RFTN1: variants seen among roughly 807,000 people sequenced by gnomAD.
RFTN1 encodes raftlin, lipid raft linker 1.
Under a neutral mutation model 46.5 loss-of-function variants are expected in RFTN1, and 26 were observed. That is an observed-to-expected ratio of 0.56 (90% confidence interval 0.41 to 0.78). The LOEUF (loss-of-function observed/expected upper bound fraction) is 0.78, where lower values mean the gene tolerates loss of function less well. Ranked by LOEUF, RFTN1 falls within the 30% of genes least tolerant of loss-of-function variation. The pLI is 0.00. For synonymous variants in RFTN1, 261 were observed against 284.2 expected (o/e 0.92, Z 0.82); for missense variants, 693 against 718.7 (o/e 0.96, Z 0.41).
rs1053255583 is a variant in RFTN1 at position 16,344,879 on chromosome 3, C to CA, written c.1146+13052dup. 9.8e-5 allele frequency among the ~76,000 whole-genome samples: 15 copies of CA among 152,326 alleles called. 2 individuals carry two copies. The highest frequency in any genetic ancestry group is 3.9e-4 in the East Asian group (2 of 5,192). ...AACACATAACTACAAGAACACCCCC[C>CA]AACCTTTTATGCTCACTGATTTAAT... On this transcript the variant is annotated intron_variant, in intron 7 of 9. Transcript: ENST00000334133. The surrounding 1 kb of genome is among the most constrained non-coding windows in gnomAD (Gnocchi z 4.4).
At chr3:16,476,216 C>T (rs1354727048) in intron 2 of RFTN1, among the ~76,000 whole-genome samples, 1 of 152,198 alleles carries the variant, frequency 6.6e-6, no homozygotes, top group Non-Finnish European at 1.5e-5. Flanking sequence ...CAGAGGGGAA[C>T]CTTAAAGTCA....
chr3:16,420,785 G>A (rs750814965), intron 3 of RFTN1, among the ~76,000 whole-genome samples: 8 of 152,236 alleles, frequency 5.3e-5, no homozygotes, highest in African/African-American at 1.7e-4. Context: ...GCTAATGGCT[G>A]TGTTACAGGA....
At position 16,351,068 on chromosome 3, in the gene RFTN1, G is replaced by A. The variant is rs899730194; in HGVS notation, c.1146+6864C>T. Among the ~76,000 whole-genome samples, 1 of 152,194 alleles carries A rather than the reference G, an allele frequency of 6.6e-6. No homozygotes were observed. The highest frequency in any genetic ancestry group is 2.4e-5 in the African/African-American group (1 of 41,446). On this transcript the variant is annotated intron_variant, in intron 7 of 9. Coordinates refer to ENST00000334133, the MANE Select transcript of RFTN1 (RefSeq NM_015150.2). This position sits in a 1 kb window ranked among gnomAD's most constrained non-coding sequence, Gnocchi z 5.4. ...GTGAGACCTAATGTGTTATTACACAGGATTCACAGGATTATGAGACAGGGT... is the reference window on the plus strand; with the variant it reads ...GTGAGACCTAATGTGTTATTACACAAGATTCACAGGATTATGAGACAGGGT...
intron 6 of RFTN1, among the ~76,000 whole-genome samples, chr3:16,365,906 G>C (rs1462818451): frequency 6.6e-6 from 1 of 152,222 alleles, no homozygotes; most frequent in Non-Finnish European, 1.5e-5. Context: ...GGCAAAAAGA[G>C]AAGTGAGGAT....
chr3:16,332,417 CTTTT>C (rs34563846), intron 7 of RFTN1, among the ~76,000 whole-genome samples: 1 of 148,552 alleles, frequency 6.7e-6, no homozygotes, highest in African/African-American at 2.5e-5. Context: ...TTGATTGCTT[CTTTT>C]TTTTTTTTAC....
At chr3:16,332,159 T>C (rs1375243507) in intron 7 of RFTN1, among the ~76,000 whole-genome samples, 1 of 152,162 alleles carries the variant, frequency 6.6e-6, no homozygotes, top group Non-Finnish European at 1.5e-5. Context: ...TGTCCTTCAG[T>C]TCTGAAAAAT....
intron 3 of RFTN1, among the ~76,000 whole-genome samples, chr3:16,431,861 A>T (rs183333737): frequency 2.4e-4 from 37 of 152,314 alleles, no homozygotes; most frequent in Non-Finnish European, 3.1e-4. Context: ...GGTTCTCCAC[A>T]AGAATTGTGG....
chr3:16,414,823 C>T (rs1449349937), intron 3 of RFTN1, among the ~76,000 whole-genome samples: 1 of 152,086 alleles, frequency 6.6e-6, no homozygotes, highest in Non-Finnish European at 1.5e-5. Flanking sequence ...CATGCAAAGG[C>T]CCTAAGCTGA....
At chr3:16,444,102 T>C (rs1166559246) in intron 2 of RFTN1, among the ~76,000 whole-genome samples, 4 of 152,206 alleles carry the variant, frequency 2.6e-5, no homozygotes, top group Admixed American at 1.3e-4. Context: ...TCACCAATTA[T>C]TCAGAATCGG....
chr3:16,462,962 A>G (rs560260823), intron 2 of RFTN1, among the ~76,000 whole-genome samples: 1 of 152,350 alleles, frequency 6.6e-6, no homozygotes, highest in East Asian at 1.9e-4. Context: ...GACAATGAGC[A>G]AAGAGGTTTG....
chr3:16,376,330 T>C lies in RFTN1; in HGVS notation c.826+1388A>G, dbSNP rs1252549960. Among the ~76,000 whole-genome samples, 4 of 152,180 alleles carry C rather than the reference T, an allele frequency of 2.6e-5. No individual in the cohort carries two copies. The highest frequency in any genetic ancestry group is 1.3e-4 in the Admixed American group (2 of 15,280). On this transcript the variant is annotated intron_variant, in intron 5 of 9. Transcript: ENST00000334133. The surrounding 1 kb of genome is among the most constrained non-coding windows in gnomAD (Gnocchi z 4.7). ...ACGGAAGGCAGGCCGGAATGTATAC[T>C]CTAGATTCTTGAGCACCATGCTCCT...
rs1326022786 is a variant in RFTN1 at position 16,442,866 on chromosome 3, C to A, written c.146-8829G>T. 6.6e-6 allele frequency among the ~76,000 whole-genome samples: 1 copy of A among 152,198 alleles called. No homozygotes were observed. Among genetic ancestry groups the A allele is most frequent in the Admixed American group, 6.5e-5 (1 of 15,280 alleles). On this transcript the variant is annotated intron_variant, in intron 2 of 9. Transcript: ENST00000334133. The surrounding 1 kb of genome is among the most constrained non-coding windows in gnomAD (Gnocchi z 4.1). ...TCTGTGTCTGGCTTATTTCACTTAGCAGAATGTCCTCTAGATTCAGCCATG... is the reference window on the plus strand; with the variant it reads ...TCTGTGTCTGGCTTATTTCACTTAGAAGAATGTCCTCTAGATTCAGCCATG...
intron 6 of RFTN1, among the ~76,000 whole-genome samples, chr3:16,363,910 G>A (rs953261913): frequency 1.6e-4 from 24 of 152,204 alleles, no homozygotes; most frequent in African/African-American, 5.8e-4. Flanking sequence ...AACTGCACAT[G>A]CAATCATATG....
chr3:16,462,688 T>C (rs952265770), intron 2 of RFTN1, among the ~76,000 whole-genome samples: 2 of 152,268 alleles, frequency 1.3e-5, no homozygotes, highest in African/African-American at 4.8e-5. Flanking sequence ...GATTTCAGAC[T>C]TCTGGCCTCC....
chr3:16,478,427 C>G (rs2124963684), intron 2 of RFTN1, among the ~76,000 whole-genome samples: 1 of 152,328 alleles, frequency 6.6e-6, no homozygotes, highest in African/African-American at 2.4e-5. Flanking sequence ...AATTTGAAAC[C>G]AGGTTGGTTC....
Position 16,317,113 on chromosome 3 carries a change from CTGGTCTTCTA to C in RFTN1, c.1442_1451del (p.Leu481CysfsTer25), listed in dbSNP as rs767744817. On this transcript the variant is annotated frameshift_variant, in exon 10 of 10. Coordinates refer to ENST00000334133, the MANE Select transcript of RFTN1 (RefSeq NM_015150.2). LOFTEE classifies it low-confidence loss of function (END_TRUNC). The surrounding 1 kb of genome is among the most constrained non-coding windows in gnomAD (Gnocchi z 4.3). ...TTCCCATGTCTCCAGCTTTGGAAGA[CTGGTCTTCTA>C]AGTTCTTCTCATTTTCTTCTGCTTG... 1.9e-6 allele frequency: 3 copies of C among 1,613,840 alleles called. No homozygotes were observed. Among genetic ancestry groups the C allele is most frequent in the Non-Finnish European group, 2.5e-6 (3 of 1,180,018 alleles).
chr3:16,492,039 G>T (rs183903229), intron 2 of RFTN1, among the ~76,000 whole-genome samples: 1 of 152,170 alleles, frequency 6.6e-6, no homozygotes, highest in African/African-American at 2.4e-5. Context: ...TTACAGACAT[G>T]GTTTTAATAG....
At chr3:16,326,695 C>T (rs572578132) in intron 8 of RFTN1, 78 bp downstream of exon 8, 10 of 1,040,470 alleles carry the variant, frequency 9.6e-6, no homozygotes, top group African/African-American at 4.7e-5. Context: ...AATTTATAGA[C>T]GTGAGGTGCT....
At position 16,483,980 on chromosome 3, in the gene RFTN1, C is replaced by T. The variant is rs142709534; in HGVS notation, c.145+9745G>A. Among the ~76,000 whole-genome samples, 562 of 152,246 alleles carry T rather than the reference C, an allele frequency of 3.7e-3. 1 individual carries two copies. Among genetic ancestry groups the T allele is most frequent in the Non-Finnish European group, 6.1e-3 (416 of 68,016 alleles). ...TTCACTCTCAAGGTTGGGAACCACTCCTTTAAGCTAATGATTAGTTTTAAA... is the reference window on the plus strand; with the variant it reads ...TTCACTCTCAAGGTTGGGAACCACTTCTTTAAGCTAATGATTAGTTTTAAA... On this transcript the variant is annotated intron_variant, in intron 2 of 9. Coordinates refer to ENST00000334133, the MANE Select transcript of RFTN1 (RefSeq NM_015150.2). This position sits in a 1 kb window ranked among gnomAD's most constrained non-coding sequence, Gnocchi z 4.8.
Sources: allele counts gnomAD v4.1 joint callset (sites outside exome capture counted in the v4.1 genomes callset), GRCh38; gene constraint gnomAD v4.1.1; non-coding constraint Gnocchi (gnomAD v3.1); transcripts MANE v1.5; gene names NCBI Gene and HGNC (gene_info 2026-07-23, HGNC 2026-07-21).